The following CHST8 variants were observed in gnomAD, a reference collection of about 807,000 sequenced individuals.
The protein encoded by CHST8 is carbohydrate sulfotransferase 8, also known as GALNAC-4-ST1.
A neutral mutation model predicts 15.0 loss-of-function variants in CHST8; 10 were observed. The ratio of observed to expected loss-of-function variants is 0.67; its 90% CI spans 0.41 to 1.13. CHST8 has a LOEUF of 1.13. CHST8 is among the 50% of genes most tolerant of loss of function. The pLI, the probability that CHST8 is intolerant of heterozygous loss-of-function variation, is 0.00. For synonymous variants in CHST8, 259 were observed against 256.6 expected (o/e 1.01, Z -0.09); for missense variants, 634 against 608.2 (o/e 1.04, Z -0.45).
At chr19:33,710,541 G>A (rs781495295) in intron 3 of CHST8, among the ~76,000 whole-genome samples, 3 of 152,120 alleles carry the variant, frequency 2.0e-5, no homozygotes, top group Non-Finnish European at 4.4e-5. Flanking sequence ...TCTAAGCACT[G>A]TGTTAGCTTT....
chr19:33,647,222 G>A (rs1305377156), intron 1 of CHST8, among the ~76,000 whole-genome samples: 2 of 152,172 alleles, frequency 1.3e-5, no homozygotes, highest in African/African-American at 2.4e-5. Context: ...ATTCCAACGC[G>A]AAGACTCCAG....
At chr19:33,691,520 ACTT>A (rs1180472172) in intron 3 of CHST8, among the ~76,000 whole-genome samples, 2 of 152,202 alleles carry the variant, frequency 1.3e-5, no homozygotes, top group Non-Finnish European at 2.9e-5. Flanking sequence ...CCTTCCCTGT[ACTT>A]CTCACGGCAG....
At chr19:33,721,644 G>T in intron 3 of CHST8, among the ~76,000 whole-genome samples, 1 of 138,636 alleles carries the variant, frequency 7.2e-6, no homozygotes, top group Non-Finnish European at 1.6e-5. Context: ...GTGGGTGGGT[G>T]GGTGGGTAGA....
At chr19:33,749,207 G>T (rs2145353446) in intron 3 of CHST8, among the ~76,000 whole-genome samples, 1 of 152,244 alleles carries the variant, frequency 6.6e-6, no homozygotes, top group Non-Finnish European at 1.5e-5. Context: ...GCAGCAGGTG[G>T]CTAGGAGAGC....
chr19:33,740,402 G>A (rs1974163334), intron 3 of CHST8, among the ~76,000 whole-genome samples: 1 of 152,226 alleles, frequency 6.6e-6, no homozygotes, highest in Non-Finnish European at 1.5e-5. Flanking sequence ...AAGATCTTCA[G>A]GTTTCCCTGT....
At position 33,641,721 on chromosome 19, in the gene CHST8, G is replaced by A. The variant is rs117735486; in HGVS notation, c.-164+19425G>A. Reference sequence around the variant, plus strand: ...AGTCAGGCCTCAGGGCAAAGGAGGGGTATGGTCTGGGATGTCGGGGGCGGT... The same window carrying A: ...AGTCAGGCCTCAGGGCAAAGGAGGGATATGGTCTGGGATGTCGGGGGCGGT... On this transcript the variant is annotated intron_variant, in intron 1 of 4. Transcript: ENST00000650847. Among the ~76,000 whole-genome samples the A allele has an allele frequency of 1.4e-3, 217 of 149,908 alleles. 5 individuals are homozygous for A. In the East Asian group the frequency reaches 0.038, roughly 26 times the overall value.
rs1050791744 is a variant in CHST8 at position 33,667,747 on chromosome 19, ATTTAT to A, written c.-163-17_-163-13del. On this transcript the variant is annotated splice_polypyrimidine_tract_variant and intron_variant, in intron 1 of 4. Transcript: ENST00000650847. ...GCTTGCTGGAAAACGTCTCAGACAC[ATTTAT>A]TTATTTTTTTTTAGGTTTAAAGGTC... The A allele has an allele frequency of 1.3e-5, 2 of 152,134 alleles. No homozygotes were observed. The highest frequency in any genetic ancestry group is 2.9e-5 in the Non-Finnish European group (2 of 68,028). The allele number at this position is 152,134 out of a possible 1,614,324, so 9.4% of individuals were successfully genotyped here. A position where few individuals can be genotyped will look rare whatever the true frequency, so the allele number is the denominator to read the frequency against.
chr19:33,761,111 G>A (rs766326663), intron 3 of CHST8, among the ~76,000 whole-genome samples: 25 of 152,220 alleles, frequency 1.6e-4, no homozygotes, highest in Non-Finnish European at 2.9e-4. Flanking sequence ...GCCAGGGAGC[G>A]ACACTGGGTT....
At position 33,751,226 on chromosome 19, in the gene CHST8, A is replaced by G. The variant is rs1974414793; in HGVS notation, c.131-20187A>G. On this transcript the variant is annotated intron_variant, in intron 3 of 4. Transcript: ENST00000650847. ...GGCCCGGCTGACCAGCTGCCACGGC[A>G]GGGACCCATATGTTCTCAGGATTCA... Among the ~76,000 whole-genome samples the G allele has an allele frequency of 2.0e-5, 3 of 152,252 alleles. No individual in the cohort carries two copies. The South Asian group carries it at 6.2e-4, about 32-fold the overall frequency.
chr19:33,705,996 G>A (rs1354792767), intron 3 of CHST8, among the ~76,000 whole-genome samples: 1 of 152,108 alleles, frequency 6.6e-6, no homozygotes, highest in Non-Finnish European at 1.5e-5. Flanking sequence ...CCAGAGCCTC[G>A]CTGTACCCGT....
At chr19:33,644,005 C>T (rs1372893579) in intron 1 of CHST8, among the ~76,000 whole-genome samples, 3 of 152,062 alleles carry the variant, frequency 2.0e-5, no homozygotes, top group Admixed American at 6.6e-5. Context: ...CGATCTCAGC[C>T]CACTGCAACC....
intron 3 of CHST8, among the ~76,000 whole-genome samples, chr19:33,745,498 C>T (rs1035628664): frequency 6.6e-6 from 1 of 152,244 alleles, no homozygotes; most frequent in African/African-American, 2.4e-5. Flanking sequence ...TCAACCCTAA[C>T]ATTTCATCTT....
rs532234728 is a variant in CHST8, at chr19:33,649,788, C to T, written c.-163-17979C>T. On this transcript the variant is annotated intron_variant, in intron 1 of 4. Transcript: ENST00000650847. ...CTTATTAGGAGAAAGTTACTGAAAT[C>T]AGTCTCTTGTCCAATCAAAGCTGCA... Among the ~76,000 whole-genome samples the T allele has an allele frequency of 2.4e-4, 37 of 152,278 alleles. No homozygotes were observed. In the South Asian group the frequency reaches 7.2e-3, roughly 30 times the overall value.
At position 33,772,685 on chromosome 19, in the gene CHST8, C is replaced by T. The variant is rs774952789; in HGVS notation, c.897C>T (p.Ala299=). 40 of 1,613,606 alleles carry T rather than the reference C, an allele frequency of 2.5e-5. 1 individual carries two copies. The highest frequency in any genetic ancestry group is 3.3e-5 in the Non-Finnish European group (39 of 1,180,046). ...ARYRANASRE[A]LRTGSGVRFP... ...ACCGCGCCAATGCCTCTCGGGAGGC[C>T]CTGCGGACCGGCTCTGGGGTGCGTT... Residue 299 remains alanine (A), a synonymous_variant, in exon 5 of 5, where the codon GCC becomes GCT. Transcript: ENST00000650847.
At chr19:33,770,229 C>T (rs976594449) in intron 3 of CHST8, among the ~76,000 whole-genome samples, 6 of 152,180 alleles carry the variant, frequency 3.9e-5, no homozygotes, top group African/African-American at 1.4e-4. Context: ...GTGGAGACAG[C>T]CAGGAAAGTG....
At chr19:33,663,224 G>A (rs911695084) in intron 1 of CHST8, among the ~76,000 whole-genome samples, 9 of 152,162 alleles carry the variant, frequency 5.9e-5, no homozygotes, top group African/African-American at 2.2e-4. Context: ...AGATGTTTGT[G>A]TGCATGGAGA....
At chr19:33,757,450 GAAA>G (rs1974585326) in intron 3 of CHST8, among the ~76,000 whole-genome samples, 1 of 31,022 alleles carries the variant, frequency 3.2e-5, no homozygotes, top group Non-Finnish European at 6.6e-5. Flanking sequence ...AAGAAAGAAA[GAAA>G]GAAAGAAAGA....
chr19:33,662,955 C>A (rs1972605477), intron 1 of CHST8, among the ~76,000 whole-genome samples: 1 of 152,164 alleles, frequency 6.6e-6, no homozygotes, highest in South Asian at 2.1e-4. Flanking sequence ...TCAAAGACTG[C>A]TTTGCATGGG....
At chr19:33,654,765 C>G (rs1268276098) in intron 1 of CHST8, among the ~76,000 whole-genome samples, 1 of 152,068 alleles carries the variant, frequency 6.6e-6, no homozygotes, top group East Asian at 1.9e-4. Context: ...AGAGCCCTAG[C>G]TTTGTGCAGT....
Sources: gnomAD v4.1 joint callset for allele counts (sites outside exome capture counted in the v4.1 genomes callset) on GRCh38, gnomAD v4.1.1 for gene constraint, MANE v1.5 for transcripts, NCBI Gene and HGNC (gene_info 2026-07-23, HGNC 2026-07-21) for gene names.